Variants in ATRNL1 observed in about 807,000 individuals in gnomAD.
ATRNL1 encodes the protein attractin like 1.
In ATRNL1, 95 loss-of-function variants were observed where a neutral mutation model predicts 182.7. The ratio of observed to expected loss-of-function variants is 0.52; its 90% CI spans 0.44 to 0.62. The LOEUF (loss-of-function observed/expected upper bound fraction) is 0.62. Among genes scored for constraint, ATRNL1 ranks in the 20% least tolerant of loss-of-function variants. The pLI is 0.00. For missense variants in ATRNL1, 1,471 were observed against 1,679.5 expected, an observed-to-expected ratio of 0.88 and a Z score of 2.17; for synonymous variants, 576 against 568.3, an observed-to-expected ratio of 1.01 and a Z score of -0.19.
At chr10:115,631,286 G>A (rs1377741262) in intron 26 of ATRNL1, among the ~76,000 whole-genome samples, 1 of 151,738 alleles carries the variant, frequency 6.6e-6, no homozygotes, top group African/African-American at 2.4e-5. Context: ...CTTGACTGTA[G>A]TTCACTATGT....
intron 26 of ATRNL1, among the ~76,000 whole-genome samples, chr10:115,588,571 G>T (rs1855713991): frequency 6.6e-6 from 1 of 152,150 alleles, no homozygotes; most frequent in African/African-American, 2.4e-5. Context: ...AACAAAAATT[G>T]GGGTGCTTTA....
intron 26 of ATRNL1, among the ~76,000 whole-genome samples, chr10:115,620,606 A>C (rs1857678361): frequency 6.6e-6 from 1 of 152,322 alleles, no homozygotes; most frequent in Non-Finnish European, 1.5e-5. Flanking sequence ...TTATTTATTA[A>C]AGATTTACTC....
intron 26 of ATRNL1, among the ~76,000 whole-genome samples, chr10:115,605,778 A>G (rs1856841725): frequency 6.6e-6 from 1 of 151,968 alleles, no homozygotes; most frequent in African/African-American, 2.4e-5. Flanking sequence ...TGATTGCACC[A>G]CTGTATTCAC....
chr10:115,162,233 TATAG>T (rs1490834993), intron 6 of ATRNL1, among the ~76,000 whole-genome samples: 2 of 151,764 alleles, frequency 1.3e-5, no homozygotes, highest in African/African-American at 4.8e-5. Context: ...GATGGATAGA[TATAG>T]ATAGATAGTA....
chr10:115,132,493 G>C (rs1845297877), intron 5 of ATRNL1, among the ~76,000 whole-genome samples: 1 of 152,168 alleles, frequency 6.6e-6, no homozygotes, highest in Admixed American at 6.5e-5. Context: ...CTAGATCCTT[G>C]AGGAATTGCC....
chr10:115,639,893 T>A (rs1592991720), intron 26 of ATRNL1, among the ~76,000 whole-genome samples: 1 of 152,188 alleles, frequency 6.6e-6, no homozygotes, highest in East Asian at 1.9e-4. Context: ...CCATGGTGGT[T>A]TGTTGCGCCC....
At chr10:115,879,859 T>C (rs1951788045) in intron 28 of ATRNL1, among the ~76,000 whole-genome samples, 1 of 151,992 alleles carries the variant, frequency 6.6e-6, no homozygotes, top group Admixed American at 6.6e-5. Context: ...TCGGAGAGGC[T>C]GTGGGTGATG....
At chr10:115,156,498 T>G (rs528391342) in intron 5 of ATRNL1, among the ~76,000 whole-genome samples, 2 of 152,158 alleles carry the variant, frequency 1.3e-5, no homozygotes, top group African/African-American at 4.8e-5. Flanking sequence ...GCTGGACATA[T>G]ACATTTGGGA....
intron 1 of ATRNL1, among the ~76,000 whole-genome samples, chr10:115,118,143 A>G (rs782509561): frequency 1.3e-5 from 2 of 151,976 alleles, no homozygotes; most frequent in Non-Finnish European, 2.9e-5. Context: ...ATTTTCTCCC[A>G]TTCTGTGGGT....
chr10:115,587,082 G>C (rs1236959615), intron 26 of ATRNL1, among the ~76,000 whole-genome samples: 1 of 149,420 alleles, frequency 6.7e-6, no homozygotes, highest in Non-Finnish European at 1.5e-5. Flanking sequence ...CAGGGGTCAG[G>C]GATTCACTTG....
chr10:115,644,639 T>G (rs1481371727), intron 26 of ATRNL1, among the ~76,000 whole-genome samples: 6 of 152,302 alleles, frequency 3.9e-5, no homozygotes, highest in Non-Finnish European at 8.8e-5. Context: ...AATTTGGATG[T>G]GGCTATTTCA....
At chr10:115,802,138 C>A (rs1949813041) in intron 27 of ATRNL1, among the ~76,000 whole-genome samples, 1 of 151,968 alleles carries the variant, frequency 6.6e-6, no homozygotes, top group African/African-American at 2.4e-5. Context: ...TGCCTTCCTC[C>A]TCCCAGAGAC....
chr10:115,591,299 A>C (rs1167654585), intron 26 of ATRNL1, among the ~76,000 whole-genome samples: 1 of 152,140 alleles, frequency 6.6e-6, no homozygotes, highest in Non-Finnish European at 1.5e-5. Context: ...CTGCACAGAA[A>C]ATGGGGTTTA....
chr10:115,898,238 T>G (rs1952258260), intron 28 of ATRNL1, among the ~76,000 whole-genome samples: 2 of 152,224 alleles, frequency 1.3e-5, no homozygotes, highest in African/African-American at 4.8e-5. Context: ...TTTTATTTCT[T>G]TGATAGGTAG....
At chr10:115,679,558 T>C (rs1945981690) in intron 26 of ATRNL1, among the ~76,000 whole-genome samples, 1 of 152,120 alleles carries the variant, frequency 6.6e-6, no homozygotes, top group Admixed American at 6.6e-5. Context: ...AGAAAGGTTG[T>C]TTTCATTCTG....
At chr10:115,424,310 G>T (rs769567381) in intron 20 of ATRNL1, among the ~76,000 whole-genome samples, 78 of 152,308 alleles carry the variant, frequency 5.1e-4, no homozygotes, top group Non-Finnish European at 2.9e-4. Context: ...GGAGAAAGAG[G>T]ATCTTCTATC....
At chr10:115,327,223 C>G (rs1854943128) in intron 18 of ATRNL1, among the ~76,000 whole-genome samples, 1 of 150,928 alleles carries the variant, frequency 6.6e-6, no homozygotes, top group Admixed American at 6.6e-5. Flanking sequence ...ACAATGAACT[C>G]AAACAAATTT....
At chr10:115,852,233 A>G (rs1056102807) in intron 28 of ATRNL1, among the ~76,000 whole-genome samples, 7 of 152,176 alleles carry the variant, frequency 4.6e-5, no homozygotes, top group Non-Finnish European at 1.0e-4. Flanking sequence ...TGACTATACC[A>G]TTACCAAAAG....
chr10:115,243,070 G>T (rs1214562437), intron 10 of ATRNL1, among the ~76,000 whole-genome samples: 3 of 151,682 alleles, frequency 2.0e-5, no homozygotes, highest in Non-Finnish European at 4.4e-5. Flanking sequence ...AGTTTTGTTT[G>T]TTTGTTTTTC....
Sources: gnomAD v4.1 joint callset for allele counts (sites outside exome capture counted in the v4.1 genomes callset) on GRCh38, gnomAD v4.1.1 for gene constraint, MANE v1.5 for transcripts, NCBI Gene and HGNC (gene_info 2026-07-23, HGNC 2026-07-21) for gene names.